The following DNAH6 variants were observed in gnomAD, a reference collection of about 807,000 sequenced individuals.
The protein encoded by DNAH6 is axonemal beta dynein heavy chain 6.
DNAH6 carries 340 observed loss-of-function variants against 491.4 expected under a neutral mutation model. That is an observed-to-expected ratio of 0.69 (90% CI 0.63 to 0.76). DNAH6 has a LOEUF of 0.76. Ranked by LOEUF, DNAH6 falls within the 30% of genes least tolerant of loss-of-function variation. DNAH6 has a pLI of 0.00. For synonymous variants in DNAH6, 1,603 were observed against 1,686.1 expected, an observed-to-expected ratio of 0.95 and a Z score of 1.21; for missense variants, 4,443 against 4,972.2, an observed-to-expected ratio of 0.89 and a Z score of 3.20.
At chr2:84,749,437 A>G (rs887953259) in intron 63 of DNAH6, among the ~76,000 whole-genome samples, 11 of 152,176 alleles carry the variant, frequency 7.2e-5, no homozygotes, top group African/African-American at 2.7e-4. Flanking sequence ...ATCAAAATTG[A>G]GCTTAAAATT....
Position 84,699,689 on chromosome 2 carries a change from G to A in DNAH6, c.7773G>A (p.Met2591Ile), listed in dbSNP as rs1695710162. 2.5e-5 allele frequency: 39 copies of A among 1,551,748 alleles called. No homozygotes were observed. Among genetic ancestry groups the A allele is most frequent in the Non-Finnish European group, 3.4e-5 (39 of 1,147,000 alleles). Residue 2591 changes from methionine (M) to isoleucine (I), a missense_variant, in exon 48 of 77, where the codon ATG becomes ATA. By Grantham distance (10) the Met-to-Ile change is conservative. Around this residue, in one of 3 missense-constraint regions of DNAH6, gnomAD observed 2,977 missense variants for 3,296.6 expected, o/e 0.90. Transcript: ENST00000389394. ...AGGCCTTTCGGTCCCGATGCAGGATGTTTCCATCCCTTGTGAATTGCTGCA... is the reference window on the plus strand; with the variant it reads ...AGGCCTTTCGGTCCCGATGCAGGATATTTCCATCCCTTGTGAATTGCTGCA... ...VGEAFRSRCR[M>I]FPSLVNCCTI...
intron 60 of DNAH6, among the ~76,000 whole-genome samples, chr2:84,727,405 A>G (rs757316781): frequency 6.6e-6 from 1 of 152,188 alleles, no homozygotes; most frequent in Non-Finnish European, 1.5e-5. Flanking sequence ...AAAATGACAT[A>G]TAATGAAACC....
At chr2:84,789,332 T>G (rs1677523287) in intron 68 of DNAH6, among the ~76,000 whole-genome samples, 1 of 152,210 alleles carries the variant, frequency 6.6e-6, no homozygotes, top group East Asian at 1.9e-4. Flanking sequence ...AAAATTAAAG[T>G]TGAGCAAACT....
intron 41 of DNAH6, among the ~76,000 whole-genome samples, chr2:84,678,375 T>C (rs1693457808): frequency 6.6e-6 from 1 of 151,994 alleles, no homozygotes. Context: ...TTTGAGAACT[T>C]TTATATTTAT....
the DNAH6 span, among the ~76,000 whole-genome samples, chr2:84,482,951 C>T: frequency 4.0e-5 from 6 of 149,910 alleles, no homozygotes; most frequent in Non-Finnish European, 7.4e-5. Context: ...TTTTATGTTA[C>T]GGTTTTTTTT....
chr2:84,679,862 T>C (rs549567707), intron 41 of DNAH6, among the ~76,000 whole-genome samples: 4 of 152,350 alleles, frequency 2.6e-5, no homozygotes, highest in Admixed American at 2.6e-4. Flanking sequence ...GAATGAGATA[T>C]CTAGATATAG....
chr2:84,485,967 T>C, the DNAH6 span, among the ~76,000 whole-genome samples: 1 of 152,090 alleles, frequency 6.6e-6, no homozygotes, highest in Admixed American at 6.6e-5. Flanking sequence ...ACAAAAGTTT[T>C]AAATGATTTG....
At chr2:84,759,739 A>G (rs1332093144) in intron 63 of DNAH6, among the ~76,000 whole-genome samples, 1 of 152,104 alleles carries the variant, frequency 6.6e-6, no homozygotes, top group East Asian at 1.9e-4. Context: ...TACCAACATC[A>G]CTTTTCACAG....
At chr2:84,605,346 C>T (rs1179915923) in intron 19 of DNAH6, among the ~76,000 whole-genome samples, 154 bp from the exon 20 acceptor site, 2 of 82,532 alleles carry the variant, frequency 2.4e-5, no homozygotes, top group East Asian at 6.0e-4. Context: ...GAGTGAGACT[C>T]TATCTCAAAA....
At chr2:84,546,563 G>C (rs529299727) in intron 5 of DNAH6, among the ~76,000 whole-genome samples, 2 of 152,204 alleles carry the variant, frequency 1.3e-5, no homozygotes, top group East Asian at 3.9e-4. Flanking sequence ...ATGTTTTCAA[G>C]GTTCTTCTTC....
Position 84,634,596 on chromosome 2 carries a change from C to T in DNAH6, c.4608C>T (p.Val1536=), listed in dbSNP as rs1269415901. ...GAATTGACATAGAAGTTCTGTCCGT[C>T]ATCGCGCAGCAACTCATTACCATTA... ...FNRIDIEVLS[V]IAQQLITIRN... Residue 1536 remains valine, a synonymous_variant, in exon 30 of 77, where the codon GTC becomes GTT. Transcript: ENST00000389394. 1 of 1,550,192 alleles carries T rather than the reference C, an allele frequency of 6.5e-7. No homozygotes were observed. Among genetic ancestry groups the T allele is most frequent in the Admixed American group, 2.0e-5 (1 of 50,798 alleles).
At chr2:84,582,968 G>A (rs531118229) in intron 14 of DNAH6, among the ~76,000 whole-genome samples, 2 of 152,320 alleles carry the variant, frequency 1.3e-5, no homozygotes, top group Non-Finnish European at 2.9e-5. Context: ...GATGCTCCTT[G>A]GTTCAGCCTG....
intron 4 of DNAH6, among the ~76,000 whole-genome samples, chr2:84,538,794 CTGGT>C (rs1677958511): frequency 6.6e-6 from 1 of 152,006 alleles, no homozygotes; most frequent in South Asian, 2.1e-4. Context: ...ATTTTGGTCT[CTGGT>C]TGTTTCTAAA....
At chr2:84,667,278 C>T (rs1288502455) in intron 37 of DNAH6, among the ~76,000 whole-genome samples, 4 of 152,046 alleles carry the variant, frequency 2.6e-5, no homozygotes, top group African/African-American at 9.7e-5. Context: ...AGCTTCTGCA[C>T]AGCAAAAGAA....
the DNAH6 span, among the ~76,000 whole-genome samples, chr2:84,506,657 G>A: frequency 1.3e-5 from 2 of 151,340 alleles, no homozygotes; most frequent in African/African-American, 4.9e-5. Context: ...CCTATGTCCT[G>A]AATGGTATTG....
chr2:84,672,897 T>C (rs1692869552), intron 40 of DNAH6, among the ~76,000 whole-genome samples: 1 of 152,256 alleles, frequency 6.6e-6, no homozygotes, highest in South Asian at 2.1e-4. Context: ...ATTCAGTCCA[T>C]AACATGTGGC....
At position 84,670,455 on chromosome 2, in the gene DNAH6, G is replaced by A. The variant is rs1208124584; in HGVS notation, c.6434G>A (p.Arg2145Lys). The A allele has an allele frequency of 9.2e-6, 14 of 1,525,296 alleles. No individual in the cohort carries two copies. Among genetic ancestry groups the A allele is most frequent in the Middle Eastern group, 1.7e-4 (1 of 5,892 alleles). 94.5% of individuals were successfully genotyped at this position (1,525,296 alleles called of 1,614,324 possible). The change falls in exon 39 of 77, where the codon AGA becomes AAA. Residue 2145 changes from arginine (R) to lysine (K), a missense_variant. Arg to Lys is a conservative substitution (Grantham distance 26). Coordinates refer to ENST00000389394, the MANE Select transcript of DNAH6 (RefSeq NM_001370.2). ...GAGATCATTGAGTCAAAACTGGAGAGAAAAAGAAAAAATATTCTAGGTAAG... is the reference window on the plus strand; with the variant it reads ...GAGATCATTGAGTCAAAACTGGAGAAAAAAAGAAAAAATATTCTAGGTAAG... ...TQEIIESKLERKRKNILGAPG... is the reference protein window; with the variant it reads ...TQEIIESKLEKKRKNILGAPG...
In DNAH6 at chr2:84,718,218, T is replaced by C; in HGVS notation, c.9626T>C (p.Leu3209Pro). ...EDQLLSDVVR[L>P]EKPRLEEQRI... ...TTTGGTTTTAGTGATGTGGTGCGAC[T>C]TGAAAAACCCAGGTTGGAAGAACAA... Residue 3209 changes from leucine to proline, a missense_variant, in exon 59 of 77, where the codon CTT (leucine) becomes CCT (proline). Around this residue, in one of 3 missense-constraint regions of DNAH6, gnomAD observed 1,463 missense variants for 1,656.6 expected, o/e 0.88. Coordinates refer to ENST00000389394, the MANE Select transcript of DNAH6 (RefSeq NM_001370.2). 6.5e-7 allele frequency: 1 copy of C among 1,533,502 alleles called. No homozygotes were observed. The highest frequency in any genetic ancestry group is 8.8e-7 in the Non-Finnish European group (1 of 1,139,692). The allele number at this position is 1,533,502 out of a possible 1,614,324, so 95.0% of individuals were successfully genotyped here.
At chr2:84,530,896 T>C (rs946923024) in intron 4 of DNAH6, among the ~76,000 whole-genome samples, 2 of 152,068 alleles carry the variant, frequency 1.3e-5, no homozygotes, top group Admixed American at 6.5e-5. Context: ...TCTGAGACAG[T>C]TCTCAGTTAA....
Sources: gnomAD v4.1 joint callset for allele counts (sites outside exome capture counted in the v4.1 genomes callset) on GRCh38, gnomAD v4.1.1 for gene constraint, gnomAD v4.1.1 regional missense constraint, MANE v1.5 for transcripts, NCBI Gene and HGNC (gene_info 2026-07-23, HGNC 2026-07-21) for gene names.